Variants in GSE1 observed in about 807,000 individuals in gnomAD.
GSE1 encodes Gse1 coiled-coil protein, also known as genetic suppressor element 1.
GSE1 carries 32 observed loss-of-function variants against 112.6 expected under a neutral mutation model. The ratio of observed to expected loss-of-function variants is 0.28; its 90% confidence interval spans 0.21 to 0.38. The LOEUF (loss-of-function observed/expected upper bound fraction) is 0.38. GSE1 is among the 10% of genes least tolerant of loss of function. The pLI is 1.00. For missense variants in GSE1, 2,348 were observed against 1,699.2 expected (o/e 1.38, Z -6.71); for synonymous variants, 1,115 against 735.6 (o/e 1.52, Z -8.35).
At chr16:85,360,294 G>A (rs948686401) in intron 2 of GSE1, among the ~76,000 whole-genome samples, 1 of 152,034 alleles carries the variant, frequency 6.6e-6, no homozygotes. Context: ...GGGTGCAGAG[G>A]TTGTGGGGGA....
rs2051087210 is a variant in GSE1 at position 85,648,698 on chromosome 16, A to G, written c.373A>G (p.Thr125Ala). The G allele has an allele frequency of 1.2e-6, 2 of 1,608,056 alleles. No individual in the cohort carries two copies. Among genetic ancestry groups the G allele is most frequent in the Non-Finnish European group, 8.5e-7 (1 of 1,177,454 alleles). ...CGTGCCCAGCACCCCCCCCGTGGTG[A>G]CCATCGCTCCAACCAAAACCGTGAA... ...HSVPSTPPVV[T>A]IAPTKTVNGV... The change falls in exon 3 of 16, where the codon ACC becomes GCC. Residue 125 changes from threonine (T) to alanine (A), a missense_variant. Physicochemically the swap from Thr to Ala is moderately conservative, Grantham distance 58. Coordinates refer to ENST00000253458, the MANE Select transcript of GSE1 (RefSeq NM_014615.5).
At chr16:85,633,879 C>G (rs1255967280) in intron 1 of GSE1, 35 bp from the exon 2 acceptor site, 5 of 1,561,288 alleles carry the variant, frequency 3.2e-6, no homozygotes, top group Non-Finnish European at 4.4e-6. Flanking sequence ...CTCCTGCTCT[C>G]TGGGTGACCT....
At chr16:85,352,801 C>A (rs565051957) in intron 1 of GSE1, among the ~76,000 whole-genome samples, 1 of 152,202 alleles carries the variant, frequency 6.6e-6, no homozygotes, top group African/African-American at 2.4e-5. Flanking sequence ...CCTGGGAGTC[C>A]AGGCCAGCTG....
At chr16:85,368,014 TA>T in intron 2 of GSE1, among the ~76,000 whole-genome samples, 1 of 151,854 alleles carries the variant, frequency 6.6e-6, no homozygotes, top group East Asian at 1.9e-4. Context: ...CAAGCCCGGC[TA>T]ATTGTGTTTT....
chr16:85,253,433 G>C (rs1906731984), intron 1 of GSE1, among the ~76,000 whole-genome samples: 1 of 152,206 alleles, frequency 6.6e-6, no homozygotes, highest in Non-Finnish European at 1.5e-5. Flanking sequence ...GTCTCCAGGG[G>C]GAACAGAGCT....
chr16:85,413,655 AACTG>A (rs2048636058), intron 2 of GSE1, among the ~76,000 whole-genome samples: 1 of 152,038 alleles, frequency 6.6e-6, no homozygotes, highest in Non-Finnish European at 1.5e-5. Context: ...TACCTTATAA[AACTG>A]ACCCCCAAAC....
intron 1 of GSE1, among the ~76,000 whole-genome samples, chr16:85,227,628 G>A (rs1157125619): frequency 2.6e-5 from 4 of 152,182 alleles, no homozygotes; most frequent in African/African-American, 7.2e-5. Flanking sequence ...GCTGGATGCC[G>A]GGTGGTTGGG....
chr16:85,309,171 T>C (rs2045761640), intron 1 of GSE1, among the ~76,000 whole-genome samples: 1 of 151,882 alleles, frequency 6.6e-6, no homozygotes, highest in Non-Finnish European at 1.5e-5. Flanking sequence ...GCCAGCCAGA[T>C]ACAGGATTTT....
At chr16:85,565,423 A>AAAAC (rs34832164) in intron 1 of GSE1, among the ~76,000 whole-genome samples, 109 of 151,140 alleles carry the variant, frequency 7.2e-4, no homozygotes, top group African/African-American at 2.5e-3. Context: ...AAACAAAAAA[A>AAAAC]CCACCAACCA....
chr16:85,608,332 C>T (rs919802437), upstream of GSE1, among the ~76,000 whole-genome samples: 8 of 152,136 alleles, frequency 5.3e-5, no homozygotes, highest in Admixed American at 2.6e-4. Context: ...CTTAGCCCCC[C>T]GCCCCTTGCC....
intron 2 of GSE1, among the ~76,000 whole-genome samples, chr16:85,427,741 G>A (rs12598314): frequency 0.06 from 8,739 of 144,564 alleles, 461 homozygotes; most frequent in East Asian, 0.32. Flanking sequence ...CTGAGGCAGG[G>A]GAATCGCTTG....
intron 2 of GSE1, among the ~76,000 whole-genome samples, chr16:85,382,872 T>C (rs1189506577): frequency 2.7e-5 from 4 of 147,504 alleles, no homozygotes; most frequent in Non-Finnish European, 5.9e-5. Flanking sequence ...ACAGCACACA[T>C]GCACACACAC....
intron 15 of GSE1, 27 bp downstream of exon 15, chr16:85,671,125 C>G (rs772698948): frequency 2.3e-6 from 3 of 1,281,462 alleles, no homozygotes; most frequent in South Asian, 1.2e-5. Context: ...TGGAAACCTT[C>G]AAACACGCAA....
intron 1 of GSE1, among the ~76,000 whole-genome samples, chr16:85,613,600 G>C (rs1196014541): frequency 3.3e-5 from 5 of 151,706 alleles, no homozygotes; most frequent in African/African-American, 4.8e-5. Flanking sequence ...GTCGCAGCCT[G>C]GGAGGCCTGG....
In GSE1 at chr16:85,654,285, G is replaced by C; in HGVS notation, c.434G>C (p.Gly145Ala). The C allele has an allele frequency of 1.3e-6, 2 of 1,597,766 alleles. No homozygotes were observed. The highest frequency in any genetic ancestry group is 1.7e-6 in the Non-Finnish European group (2 of 1,173,366). ...VWRSESRQDA[G>A]SRSSSGGRER... ...GACGCTCTCCTCCCGCAGGATGCCG[G>C]CTCCAGGAGCAGCAGTGGAGGTCGG... Residue 145 changes from glycine (G) to alanine (A), a missense_variant, in exon 4 of 16, where the codon GGC becomes GCC. Coordinates refer to ENST00000253458, the MANE Select transcript of GSE1 (RefSeq NM_014615.5).
In GSE1 at chr16:85,655,754, C is replaced by G; in HGVS notation, c.826C>G (p.Leu276Val). ...RMDDSYCLSA[L>V]RSPFYPIPTP... ...GGACGACTCCTACTGCCTGTCTGCC[C>G]TGAGGTCCCCGTTCTACCCCATCCC... Residue 276 changes from leucine (L) to valine (V), a missense_variant, in exon 6 of 16, where the codon CTG (leucine) becomes GTG (valine). By Grantham distance (32) the Leu-to-Val change is conservative (BLOSUM62 1). Transcript: ENST00000253458. 1.2e-6 allele frequency: 2 copies of G among 1,608,786 alleles called. No homozygotes were observed. The highest frequency in any genetic ancestry group is 4.5e-5 in the East Asian group (2 of 44,874).
At chr16:85,246,616 G>A (rs900847060) in intron 1 of GSE1, among the ~76,000 whole-genome samples, 2 of 151,808 alleles carry the variant, frequency 1.3e-5, no homozygotes, top group Admixed American at 6.6e-5. Flanking sequence ...GAGAAATGAG[G>A]CGCTTTGCAG....
intron 2 of GSE1, among the ~76,000 whole-genome samples, chr16:85,407,843 C>T (rs182475346): frequency 0.013 from 116 of 8,652 alleles, 49 homozygotes; most frequent in African/African-American, 0.068. Context: ...CCCCCCTGGA[C>T]AATCCTCACC....
chr16:85,637,202 C>T (rs991113415), intron 2 of GSE1, among the ~76,000 whole-genome samples: 41 of 152,224 alleles, frequency 2.7e-4, no homozygotes, highest in African/African-American at 8.9e-4. Context: ...CCCCGGCGGC[C>T]GCTGTCTGCT....
Sources: gnomAD v4.1 joint callset for allele counts (sites outside exome capture counted in the v4.1 genomes callset) on GRCh38, gnomAD v4.1.1 for gene constraint, MANE v1.5 for transcripts, NCBI Gene and HGNC (gene_info 2026-07-23, HGNC 2026-07-21) for gene names.